CALN1: variants seen among roughly 807,000 people sequenced by gnomAD.
CALN1 encodes the protein calneuron 1, also known as calcium-binding protein 8.
CALN1 carries 17 observed loss-of-function variants against 30.6 expected under a neutral mutation model. The observed-to-expected ratio is 0.56, with a 90% CI of 0.38 to 0.83. The LOEUF is 0.83. Among genes scored for constraint, CALN1 ranks in the 40% least tolerant of loss-of-function variants. The pLI, the probability that CALN1 is intolerant of heterozygous loss-of-function variation, is 0.00. For missense variants in CALN1, 291 were observed against 354.9 expected, an observed-to-expected ratio of 0.82 and a Z score of 1.45; for synonymous variants, 156 against 131.4, an observed-to-expected ratio of 1.19 and a Z score of -1.28.
intron 2 of CALN1, among the ~76,000 whole-genome samples, chr7:72,365,646 G>A (rs1350918867): frequency 6.6e-6 from 1 of 151,992 alleles, no homozygotes; most frequent in Non-Finnish European, 1.5e-5. Flanking sequence ...TGCCCAGGCT[G>A]GTCCCAACTT....
At chr7:72,421,018 T>C (rs1807591407) in intron 1 of CALN1, among the ~76,000 whole-genome samples, 1 of 152,222 alleles carries the variant, frequency 6.6e-6, no homozygotes. Flanking sequence ...GTTCTGGGTC[T>C]AGAAACCCGG....
intron 2 of CALN1, among the ~76,000 whole-genome samples, chr7:72,386,778 G>A (rs1372730388): frequency 2.0e-5 from 3 of 152,124 alleles, no homozygotes; most frequent in Non-Finnish European, 2.9e-5. Context: ...TGGGGCTACA[G>A]GGGCATGCCA....
chr7:72,187,943 A>G (rs1299124883), intron 3 of CALN1, among the ~76,000 whole-genome samples: 1 of 58,384 alleles, frequency 1.7e-5, no homozygotes, highest in Admixed American at 2.4e-4. Context: ...TCCCACAAGA[A>G]TGGCCATTAT....
chr7:72,375,032 A>C (rs537521082), intron 2 of CALN1, among the ~76,000 whole-genome samples: 13 of 152,328 alleles, frequency 8.5e-5, no homozygotes, highest in African/African-American at 3.1e-4. Flanking sequence ...AAAATATAAA[A>C]AAGGCATCCA....
chr7:72,350,342 A>C lies in CALN1; in HGVS notation c.119+52909T>G, dbSNP rs541922852. On this transcript the variant is annotated intron_variant, in intron 2 of 6. Coordinates refer to ENST00000395275, the MANE Select transcript of CALN1 (RefSeq NM_031468.4). ...AGTCCTTTGCATACATGTGTTCATC[A>C]CAGCACTATTCACAATAGTAAAGAT... is the stretch of plus-strand genomic sequence containing the variant. Among the ~76,000 whole-genome samples, 66 of 152,312 alleles carry C rather than the reference A, an allele frequency of 4.3e-4. 1 individual carries two copies. The highest frequency in any genetic ancestry group is 1.5e-3 in the African/African-American group (63 of 41,578).
At chr7:72,446,205 G>A (rs145925409) in intron 1 of CALN1, among the ~76,000 whole-genome samples, 16 of 152,306 alleles carry the variant, frequency 1.1e-4, no homozygotes, top group African/African-American at 3.8e-4. Context: ...CTCGGAAAGA[G>A]CATTTCACCC....
chr7:72,191,864 C>T lies in CALN1; in HGVS notation c.245-85570G>A, dbSNP rs575021307. Among the ~76,000 whole-genome samples, 234 of 152,244 alleles carry T rather than the reference C, an allele frequency of 1.5e-3. 3 individuals are homozygous for T. Among genetic ancestry groups the T allele is most frequent in the Non-Finnish European group, 3.1e-4 (21 of 68,030 alleles). ...GATGAAATCAAGGTGTCAGCAGAGC[C>T]GCACGCTCCCCGCTAGGCTAGCACC... On this transcript the variant is annotated intron_variant, in intron 3 of 6. Transcript: ENST00000395275.
Position 71,792,604 on chromosome 7 carries a change from T to C in CALN1, c.659-4702A>G, listed in dbSNP as rs1378599379. On this transcript the variant is annotated intron_variant, in intron 6 of 6. Transcript: ENST00000395275. ...CCATCAGTAGGCAAATGTACAAAGATACCAAGTCCCAGGAAGGAAAAAGGA... is the reference window on the plus strand; with the variant it reads ...CCATCAGTAGGCAAATGTACAAAGACACCAAGTCCCAGGAAGGAAAAAGGA... Among the ~76,000 whole-genome samples, 4 of 151,802 alleles carry C rather than the reference T, an allele frequency of 2.6e-5. No homozygotes were observed. In the East Asian group the frequency reaches 7.8e-4, roughly 29 times the overall value.
chr7:72,410,950 GAAAT>G lies in CALN1; in HGVS notation c.-74+1104_-74+1107del, dbSNP rs76727819. On this transcript the variant is annotated intron_variant, in intron 1 of 6. Transcript: ENST00000395275. ...CAATTAGAGGCATAAGATGGGAAAA[GAAAT>G]AAAGTTATTTTAAGGTGATATGATT... Among the ~76,000 whole-genome samples, 3,858 of 152,172 alleles carry G rather than the reference GAAAT, an allele frequency of 0.025. 288 individuals carry two copies. In the East Asian group the frequency reaches 0.28, roughly 11 times the overall value.
rs184969877 is a variant in CALN1 at position 72,371,276 on chromosome 7, T to C, written c.119+31975A>G. Among the ~76,000 whole-genome samples, 73 of 152,292 alleles carry C rather than the reference T, an allele frequency of 4.8e-4. 1 individual carries two copies. In the East Asian group the frequency reaches 0.013, roughly 26 times the overall value. ...TTTGTGAGATCTAAGGATTGAAGTA[T>C]GTATGTTTGCATGTATGCATATGAT... On this transcript the variant is annotated intron_variant, in intron 2 of 6. Transcript: ENST00000395275.
chr7:71,929,825 T>C (rs1336740953), intron 5 of CALN1, among the ~76,000 whole-genome samples: 1 of 152,188 alleles, frequency 6.6e-6, no homozygotes, highest in African/African-American at 2.4e-5. Flanking sequence ...TCTTCCCAAT[T>C]GGCTGCACAA....
At chr7:72,374,501 A>G (rs1217749012) in intron 2 of CALN1, among the ~76,000 whole-genome samples, 1 of 147,004 alleles carries the variant, frequency 6.8e-6, no homozygotes, top group Non-Finnish European at 1.5e-5. Context: ...ACAGCACTCC[A>G]GTCTGGGTGA....
chr7:72,112,225 A>G (rs182162880), intron 3 of CALN1, among the ~76,000 whole-genome samples: 2 of 152,340 alleles, frequency 1.3e-5, no homozygotes, highest in Admixed American at 1.3e-4. Flanking sequence ...TCCAGACACC[A>G]GCCAGCATCG....
intron 2 of CALN1, among the ~76,000 whole-genome samples, chr7:72,377,980 T>G (rs1041024926): frequency 6.7e-6 from 1 of 149,598 alleles, no homozygotes; most frequent in Non-Finnish European, 1.5e-5. Context: ...CCTGCCCCCA[T>G]TTCCCCCAAA....
intron 2 of CALN1, chr7:72,337,102 C>G: frequency 1.0e-6 from 1 of 985,798 alleles, no homozygotes; most frequent in East Asian, 1.1e-4. Flanking sequence ...GCGCGGCTGC[C>G]TCGCTGCGCC....
intron 2 of CALN1, among the ~76,000 whole-genome samples, chr7:72,335,165 C>A (rs1412215045): frequency 1.3e-5 from 2 of 152,132 alleles, no homozygotes; most frequent in Non-Finnish European, 2.9e-5. Flanking sequence ...CTCCTCCCAC[C>A]CCACAAAAAA....
At chr7:72,411,240 G>A (rs914580265) in intron 1 of CALN1, among the ~76,000 whole-genome samples, 8 of 152,036 alleles carry the variant, frequency 5.3e-5, no homozygotes, top group Non-Finnish European at 1.0e-4. Flanking sequence ...TGTATTTCAA[G>A]TTAATGGCTT....
chr7:72,264,599 C>G (rs1385502752), intron 3 of CALN1, among the ~76,000 whole-genome samples: 1 of 151,836 alleles, frequency 6.6e-6, no homozygotes. Context: ...CTCTTAGGCT[C>G]AAGCAATTCT....
chr7:72,016,011 G>A (rs1156890863), intron 5 of CALN1, among the ~76,000 whole-genome samples: 4 of 152,144 alleles, frequency 2.6e-5, no homozygotes, highest in Non-Finnish European at 5.9e-5. Flanking sequence ...AACTTTGGGA[G>A]GCTGAGGCCG....
Sources: gnomAD v4.1 joint callset for allele counts (sites outside exome capture counted in the v4.1 genomes callset) on GRCh38, gnomAD v4.1.1 for gene constraint, MANE v1.5 for transcripts, NCBI Gene and HGNC (gene_info 2026-07-23, HGNC 2026-07-21) for gene names.